The following TNRC6C variants were observed in gnomAD, a reference collection of about 807,000 sequenced individuals.
TNRC6C encodes trinucleotide repeat-containing gene 6C protein.
A neutral mutation model predicts 153.7 loss-of-function variants in TNRC6C; 20 were observed. That is an observed-to-expected ratio of 0.13 (90% CI 0.09 to 0.19). The LOEUF (loss-of-function observed/expected upper bound fraction) is 0.19, where lower values mean the gene tolerates loss of function less well. TNRC6C is among the 10% of genes least tolerant of loss of function. TNRC6C has a pLI of 1.00. For synonymous variants in TNRC6C, 811 were observed against 841.4 expected (o/e 0.96, Z 0.63); for missense variants, 1,987 against 2,172.0 (o/e 0.91, Z 1.69).
intron 3 of TNRC6C, among the ~76,000 whole-genome samples, chr17:78,054,121 GGTAA>G (rs1210097430): frequency 6.6e-6 from 1 of 152,098 alleles, no homozygotes; most frequent in Non-Finnish European, 1.5e-5. Flanking sequence ...GTAGGACGAT[GGTAA>G]GTATTTATAT....
chr17:78,065,842 T>G (rs1212258119), intron 4 of TNRC6C, among the ~76,000 whole-genome samples: 1 of 152,202 alleles, frequency 6.6e-6, no homozygotes, highest in Non-Finnish European at 1.5e-5. Context: ...ATGTCCAGAT[T>G]ATGTATACCA....
Position 78,049,197 on chromosome 17 carries a change from T to C in TNRC6C, c.135T>C (p.Asn45=). 2 of 1,613,218 alleles carry C rather than the reference T, an allele frequency of 1.2e-6. No individual in the cohort carries two copies. The highest frequency in any genetic ancestry group is 1.7e-6 in the Non-Finnish European group (2 of 1,179,542). Residue 45 remains asparagine (N), a synonymous_variant, in exon 3 of 20, where the codon AAT becomes AAC. Transcript: ENST00000301624. This position sits in a 1 kb window ranked among gnomAD's most constrained non-coding sequence, Gnocchi z 4.1. ...TTGGAGCAGGGGGAGCGAACAGTAA[T>C]GGAAGTGCGGCCAGAGTGTGGGGTG...
chr17:78,000,631 C>CA (rs1555628253), upstream of TNRC6C, among the ~76,000 whole-genome samples: 1 of 56,316 alleles, frequency 1.8e-5, no homozygotes, highest in Non-Finnish European at 3.4e-5. Context: ...CCCCCCCCCC[C>CA]ACACACACAC....
chr17:78,036,917 C>G (rs527356303), intron 2 of TNRC6C, among the ~76,000 whole-genome samples: 7 of 148,808 alleles, frequency 4.7e-5, no homozygotes, highest in African/African-American at 1.7e-4. Context: ...GAGCAAGATT[C>G]CATTAAAAAA....
intron 1 of TNRC6C, among the ~76,000 whole-genome samples, chr17:77,983,912 C>T (rs1200730965): frequency 6.6e-6 from 1 of 152,058 alleles, no homozygotes; most frequent in African/African-American, 2.4e-5. Context: ...GACTGCAGCT[C>T]CTCATTTTGG....
chr17:78,006,565 CTTCCTTCTTCCTT>C (rs2143252435), intron 1 of TNRC6C, among the ~76,000 whole-genome samples: 1 of 138,152 alleles, frequency 7.2e-6, no homozygotes, highest in African/African-American at 2.7e-5. Context: ...CTTCTTCCTT[CTTCCTTCTTCCTT>C]CTTCTTCCTT....
intron 17 of TNRC6C, among the ~76,000 whole-genome samples, chr17:78,099,133 G>A (rs1217685596): frequency 6.6e-6 from 1 of 152,174 alleles, no homozygotes; most frequent in Non-Finnish European, 1.5e-5. Flanking sequence ...GCAACAAAGT[G>A]AGACCCCATC....
intron 1 of TNRC6C, among the ~76,000 whole-genome samples, chr17:78,020,580 A>G (rs925780501): frequency 6.6e-6 from 1 of 152,228 alleles, no homozygotes; most frequent in Non-Finnish European, 1.5e-5. Flanking sequence ...CTAGACCAGC[A>G]CCATTCAAAA....
At chr17:78,090,109 G>A (rs529495340) in intron 13 of TNRC6C, among the ~76,000 whole-genome samples, 6 of 152,354 alleles carry the variant, frequency 3.9e-5, no homozygotes, top group African/African-American at 1.4e-4. Flanking sequence ...GCTTGCAAAG[G>A]CGTTTTGTTA....
intron 1 of TNRC6C, among the ~76,000 whole-genome samples, chr17:78,025,081 G>A (rs369338420): frequency 9.2e-5 from 14 of 152,210 alleles, no homozygotes; most frequent in South Asian, 2.1e-4. Flanking sequence ...ATGAGTCACC[G>A]CGCCCGGCCA....
At chr17:78,022,647 C>A (rs2071857203) in intron 1 of TNRC6C, among the ~76,000 whole-genome samples, 1 of 152,140 alleles carries the variant, frequency 6.6e-6, no homozygotes, top group South Asian at 2.1e-4. Context: ...AGGTTCCTGT[C>A]AGCTCAAATT....
Position 77,992,389 on chromosome 17 carries a change from A to T in TNRC6C, c.-37-11781A>T, listed in dbSNP as rs1275264280. On this transcript the variant is annotated intron_variant, in intron 1 of 22. Coordinates refer to the TNRC6C transcript ENST00000636222. ...GGCGCGTGCCTGTAGTCCCAGCTAC[A>T]CAGGAGGCTGAGGCAGGAGAATGGC... Among the ~76,000 whole-genome samples, 3 of 103,472 alleles carry T rather than the reference A, an allele frequency of 2.9e-5. 1 individual carries two copies. The highest frequency in any genetic ancestry group is 1.6e-4 in the African/African-American group (3 of 18,816). The allele number at this position is 103,472 out of a possible 152,430, so 67.9% of individuals were successfully genotyped here. A position where few individuals can be genotyped will look rare whatever the true frequency, so the allele number is the denominator to read the frequency against.
At chr17:78,011,444 G>C (rs1336688185) in intron 1 of TNRC6C, among the ~76,000 whole-genome samples, 1 of 152,166 alleles carries the variant, frequency 6.6e-6, no homozygotes, top group African/African-American at 2.4e-5. Flanking sequence ...CCTACACTGT[G>C]CACTTTGGCT....
chr17:77,991,578 C>T (rs943992031), intron 1 of TNRC6C, among the ~76,000 whole-genome samples: 1 of 152,152 alleles, frequency 6.6e-6, no homozygotes, highest in Non-Finnish European at 1.5e-5. Context: ...TTTCCTTCCT[C>T]TAGTGAATAA....
chr17:78,002,961 G>A (rs2071435343), upstream of TNRC6C, among the ~76,000 whole-genome samples: 1 of 152,164 alleles, frequency 6.6e-6, no homozygotes, highest in African/African-American at 2.4e-5. Flanking sequence ...CAGGAAATGG[G>A]AAGATTCAGT....
intron 13 of TNRC6C, among the ~76,000 whole-genome samples, chr17:78,088,117 T>G (rs1224324632): frequency 6.6e-6 from 1 of 152,252 alleles, no homozygotes; most frequent in Admixed American, 6.5e-5. Flanking sequence ...CTAATTCTAT[T>G]CAATGTCTCT....
chr17:78,033,853 AT>A (rs1398050743), intron 2 of TNRC6C, among the ~76,000 whole-genome samples: 1 of 152,150 alleles, frequency 6.6e-6, no homozygotes, highest in Admixed American at 6.5e-5. Context: ...TACCAATTTC[AT>A]CTCTTCCTCA....
chr17:78,037,081 T>G (rs2072194227), intron 2 of TNRC6C, among the ~76,000 whole-genome samples: 1 of 152,220 alleles, frequency 6.6e-6, no homozygotes, highest in Non-Finnish European at 1.5e-5. Context: ...ACCTTTTGAT[T>G]TACATTAATC....
At chr17:77,996,980 T>C (rs1019289813) in intron 1 of TNRC6C, among the ~76,000 whole-genome samples, 1 of 152,078 alleles carries the variant, frequency 6.6e-6, no homozygotes, top group African/African-American at 2.4e-5. Context: ...CCAACCAAAA[T>C]GAGAAGCATT....
Sources: allele counts gnomAD v4.1 joint callset (sites outside exome capture counted in the v4.1 genomes callset), GRCh38; gene constraint gnomAD v4.1.1; non-coding constraint Gnocchi (gnomAD v3.1); transcripts MANE v1.5; gene names NCBI Gene and HGNC (gene_info 2026-07-23, HGNC 2026-07-21).